The following RGL1 variants were observed in gnomAD, a reference collection of about 807,000 sequenced individuals.
RGL1 encodes the protein ral guanine nucleotide dissociation stimulator-like 1.
A neutral mutation model predicts 95.2 loss-of-function variants in RGL1; 24 were observed. The observed-to-expected ratio is 0.25, with a 90% CI of 0.18 to 0.35. The LOEUF (loss-of-function observed/expected upper bound fraction) is 0.35. RGL1 is among the 10% of genes least tolerant of loss of function. The pLI is 1.00. For missense variants in RGL1, 715 were observed against 936.3 expected, an observed-to-expected ratio of 0.76 and a Z score of 3.08; for synonymous variants, 329 against 344.9, an observed-to-expected ratio of 0.95 and a Z score of 0.51.
chr1:183,872,495 T>C (rs986330587), intron 4 of RGL1, among the ~76,000 whole-genome samples: 1 of 152,228 alleles, frequency 6.6e-6, no homozygotes, highest in African/African-American at 2.4e-5. Flanking sequence ...TCTACCATAG[T>C]ACTACTTCAA....
chr1:183,710,869 G>T (rs1655221248), intron 1 of RGL1, among the ~76,000 whole-genome samples: 1 of 152,218 alleles, frequency 6.6e-6, no homozygotes, highest in Non-Finnish European at 1.5e-5. Flanking sequence ...AGAAGTAGTG[G>T]AAGTGGATAA....
intron 2 of RGL1, among the ~76,000 whole-genome samples, chr1:183,794,674 T>C (rs1384938931): frequency 6.6e-6 from 1 of 152,240 alleles, no homozygotes; most frequent in Non-Finnish European, 1.5e-5. Flanking sequence ...GGTCCACTTC[T>C]CCAAACAAAT....
upstream of RGL1, among the ~76,000 whole-genome samples, chr1:183,802,024 A>G (rs1351726167): frequency 2.0e-5 from 3 of 152,332 alleles, no homozygotes; most frequent in East Asian, 5.8e-4. Context: ...AAACCAAACT[A>G]TAGCAATTTT....
At chr1:183,848,652 A>G (rs1168672648) in intron 3 of RGL1, among the ~76,000 whole-genome samples, 1 of 152,196 alleles carries the variant, frequency 6.6e-6, no homozygotes, top group Non-Finnish European at 1.5e-5. Flanking sequence ...TATGCAAAAT[A>G]TTAAAGTTTG....
intron 3 of RGL1, among the ~76,000 whole-genome samples, chr1:183,864,547 CCT>C (rs1338920635): frequency 1.3e-5 from 2 of 152,148 alleles, no homozygotes; most frequent in African/African-American, 4.8e-5. Context: ...AAAATCTCAC[CCT>C]GTTTATTTAT....
chr1:183,644,926 A>G (rs1024611821), intron 1 of RGL1, among the ~76,000 whole-genome samples: 9 of 152,326 alleles, frequency 5.9e-5, no homozygotes, highest in African/African-American at 2.2e-4. Flanking sequence ...AATCGATGCT[A>G]TGACAGGAGC....
chr1:183,697,264 C>A (rs575759307), intron 1 of RGL1, among the ~76,000 whole-genome samples: 1 of 152,284 alleles, frequency 6.6e-6, no homozygotes, highest in African/African-American at 2.4e-5. Context: ...GCCTTTCCCT[C>A]CCAACCTTTT....
rs1668239460 is a variant in RGL1, at chr1:183,905,041, C to T, written c.1472+70C>T. ...AAGAAAAATGCTGCATTTAATACCT[C>T]GCTGGGTCATTTATTCAACAACTAT... On this transcript the variant is annotated intron_variant, in intron 13 of 17. Coordinates refer to ENST00000360851, the MANE Select transcript of RGL1 (RefSeq NM_001297671.3). The T allele has an allele frequency of 2.2e-5, 33 of 1,532,266 alleles. No homozygotes were observed. The South Asian group carries it at 2.7e-4, about 12-fold the overall frequency. The allele number at this position is 1,532,266 out of a possible 1,614,324, so 94.9% of individuals were successfully genotyped here.
intron 1 of RGL1, among the ~76,000 whole-genome samples, chr1:183,641,803 G>T (rs919534461): frequency 6.6e-6 from 1 of 152,170 alleles, no homozygotes; most frequent in African/African-American, 2.4e-5. Context: ...TTTAGAGGTA[G>T]ATCTTTGATT....
chr1:183,684,169 CA>C (rs1653407724), intron 1 of RGL1, among the ~76,000 whole-genome samples: 2 of 152,118 alleles, frequency 1.3e-5, no homozygotes. Flanking sequence ...CTACTTCTGT[CA>C]ATTCATTAAA....
intron 9 of RGL1, among the ~76,000 whole-genome samples, chr1:183,897,195 TG>T (rs1397715246): frequency 1.3e-5 from 2 of 152,176 alleles, no homozygotes; most frequent in Non-Finnish European, 2.9e-5. Flanking sequence ...TGGCTTGTAT[TG>T]ATGATTGCTT....
Position 183,798,042 on chromosome 1 carries a change from C to T in RGL1, c.133-8333C>T, listed in dbSNP as rs565470229. Among the ~76,000 whole-genome samples, 6 of 152,228 alleles carry T rather than the reference C, an allele frequency of 3.9e-5. No individual in the cohort carries two copies. The East Asian group carries it at 1.2e-3, about 29-fold the overall frequency. On this transcript the variant is annotated intron_variant, in intron 2 of 18. Coordinates refer to the RGL1 transcript ENST00000304685. The stretch of plus-strand genomic sequence containing the variant: ...GCAATTATCAGTTTTGTTCAAAAGT[C>T]CACTACCAGTGAGTGGGAGAAGTTT...
At chr1:183,758,299 C>T (rs979882102) in intron 2 of RGL1, among the ~76,000 whole-genome samples, 7 of 151,834 alleles carry the variant, frequency 4.6e-5, no homozygotes, top group Non-Finnish European at 1.0e-4. Context: ...TGGGTTCACA[C>T]CATTCTCCTG....
chr1:183,636,981 A>G (rs966238224), intron 1 of RGL1, among the ~76,000 whole-genome samples: 3 of 152,190 alleles, frequency 2.0e-5, no homozygotes, highest in African/African-American at 7.2e-5. Flanking sequence ...GTGTACCACA[A>G]TCTTTGGTTT....
chr1:183,766,540 A>T (rs969727117), intron 2 of RGL1, among the ~76,000 whole-genome samples: 1 of 152,188 alleles, frequency 6.6e-6, no homozygotes, highest in Non-Finnish European at 1.5e-5. Flanking sequence ...ACCAACTCAA[A>T]TTATTGACTA....
intron 1 of RGL1, among the ~76,000 whole-genome samples, chr1:183,641,284 G>A (rs1220375427): frequency 1.3e-5 from 2 of 152,134 alleles, no homozygotes; most frequent in African/African-American, 2.4e-5. Context: ...ACAGGAGTAC[G>A]CCACTACCCC....
Position 183,660,163 on chromosome 1 carries a change from A to C in RGL1, c.-33+23662A>C, listed in dbSNP as rs1365238413. Among the ~76,000 whole-genome samples, 7 of 152,336 alleles carry C rather than the reference A, an allele frequency of 4.6e-5. No individual in the cohort carries two copies. In the South Asian group the frequency reaches 1.0e-3, roughly 23 times the overall value. ...AACTGCATCAACTAACAAGCAAAAT[A>C]ACCAGCTAACATCATAATGACAGGA... On this transcript the variant is annotated intron_variant, in intron 1 of 18. Transcript: ENST00000304685.
chr1:183,713,238 C>A (rs1328043364), intron 1 of RGL1, among the ~76,000 whole-genome samples: 3 of 151,966 alleles, frequency 2.0e-5, no homozygotes, highest in African/African-American at 7.3e-5. Flanking sequence ...GTTGGCCGGG[C>A]TGGTCTCGAA....
chr1:183,915,031 C>T (rs930946340), intron 15 of RGL1, among the ~76,000 whole-genome samples: 3 of 152,072 alleles, frequency 2.0e-5, no homozygotes, highest in Non-Finnish European at 4.4e-5. Context: ...AAAACTAAAC[C>T]ATATTATGAT....
Sources: allele counts gnomAD v4.1 joint callset (sites outside exome capture counted in the v4.1 genomes callset), GRCh38; gene constraint gnomAD v4.1.1; transcripts MANE v1.5; gene names NCBI Gene and HGNC (gene_info 2026-07-23, HGNC 2026-07-21).